Variants in DENND1A observed in about 807,000 individuals in gnomAD.
DENND1A encodes the protein DENN domain containing 1A, also known as DENN domain-containing protein 1A.
In DENND1A, 51 loss-of-function variants were observed where a neutral mutation model predicts 113.7. That is an observed-to-expected ratio of 0.45 (90% CI 0.36 to 0.57). The LOEUF (loss-of-function observed/expected upper bound fraction) is 0.57. Among genes scored for constraint, DENND1A ranks in the 20% least tolerant of loss-of-function variants. DENND1A has a pLI of 0.00. For synonymous variants in DENND1A, 565 were observed against 570.8 expected (o/e 0.99, Z 0.14); for missense variants, 1,258 against 1,395.9 (o/e 0.90, Z 1.57).
At chr9:123,676,329 C>A (rs1023653908) in intron 6 of DENND1A, among the ~76,000 whole-genome samples, 1 of 152,178 alleles carries the variant, frequency 6.6e-6, no homozygotes, top group African/African-American at 2.4e-5. Context: ...TACTTGCAAA[C>A]CCCAGATCTG....
At chr9:123,454,849 C>G in intron 15 of DENND1A, 70 bp from the exon 16 acceptor site, 6 of 1,019,660 alleles carry the variant, frequency 5.9e-6, no homozygotes, top group South Asian at 3.0e-5. Flanking sequence ...CTTAAAATTG[C>G]TTTTTTTTTT....
chr9:123,531,706 T>C (rs2135373199), intron 13 of DENND1A, among the ~76,000 whole-genome samples: 1 of 152,172 alleles, frequency 6.6e-6, no homozygotes, highest in East Asian at 1.9e-4. Flanking sequence ...TAAGCATTCC[T>C]AAAAATCATC....
At chr9:123,640,491 C>T (rs62579201) in intron 9 of DENND1A, among the ~76,000 whole-genome samples, 6 of 152,326 alleles carry the variant, frequency 3.9e-5, no homozygotes, top group East Asian at 3.9e-4. Flanking sequence ...GTGGTCCGTA[C>T]GCAAAACCTC....
At chr9:123,579,865 TC>T (rs1368922881) in intron 12 of DENND1A, among the ~76,000 whole-genome samples, 1 of 151,806 alleles carries the variant, frequency 6.6e-6, no homozygotes, top group Non-Finnish European at 1.5e-5. Flanking sequence ...AGACCACATC[TC>T]CCCCCATTAC....
chr9:123,899,053 A>C (rs1383032522), intron 1 of DENND1A, among the ~76,000 whole-genome samples: 1 of 152,202 alleles, frequency 6.6e-6, no homozygotes, highest in African/African-American at 2.4e-5. Context: ...CCGAGGCTCA[A>C]ATCTTGAAAC....
intron 19 of DENND1A, chr9:123,414,343 C>A (rs943494691): frequency 7.1e-7 from 1 of 1,414,834 alleles, no homozygotes; most frequent in Non-Finnish European, 9.2e-7. Context: ...TCCCTGCCTC[C>A]AGCCTCTCCC....
intron 8 of DENND1A, among the ~76,000 whole-genome samples, chr9:123,659,355 C>A (rs550837308): frequency 9.9e-4 from 151 of 152,296 alleles, no homozygotes; most frequent in African/African-American, 3.4e-3. Flanking sequence ...TTCAGACATT[C>A]TGGTGTGAAA....
intron 2 of DENND1A, among the ~76,000 whole-genome samples, chr9:123,804,946 C>T (rs1050351209): frequency 3.9e-5 from 6 of 152,148 alleles, no homozygotes; most frequent in Non-Finnish European, 7.3e-5. Flanking sequence ...AACGTCCTCC[C>T]TTCACCAGCA....
intron 11 of DENND1A, among the ~76,000 whole-genome samples, chr9:123,588,244 C>T (rs1227451594): frequency 7.4e-6 from 1 of 135,454 alleles, no homozygotes; most frequent in Non-Finnish European, 1.5e-5. Flanking sequence ...CATTGCACTC[C>T]AGCACTCCAG....
At chr9:123,807,723 T>C (rs891036047) in intron 2 of DENND1A, among the ~76,000 whole-genome samples, 3 of 152,216 alleles carry the variant, frequency 2.0e-5, no homozygotes, top group African/African-American at 7.2e-5. Flanking sequence ...CAGCCAACTC[T>C]CCTTCAACAG....
intron 2 of DENND1A, among the ~76,000 whole-genome samples, chr9:123,876,976 A>C (rs1015731099): frequency 6.6e-6 from 1 of 152,168 alleles, no homozygotes; most frequent in African/African-American, 2.4e-5. Flanking sequence ...GTTCTCACCT[A>C]TAAGTGGGAA....
At chr9:123,774,754 T>C (rs1830224650) in intron 3 of DENND1A, among the ~76,000 whole-genome samples, 2 of 152,218 alleles carry the variant, frequency 1.3e-5, no homozygotes, top group Admixed American at 1.3e-4. Context: ...ATACATGTTA[T>C]AATTATGCAA....
intron 2 of DENND1A, among the ~76,000 whole-genome samples, chr9:123,802,049 G>A (rs1289344047): frequency 6.6e-6 from 1 of 152,132 alleles, no homozygotes; most frequent in Non-Finnish European, 1.5e-5. Context: ...TTTTTAATGA[G>A]GTTGCCACAG....
intron 6 of DENND1A, among the ~76,000 whole-genome samples, chr9:123,673,379 A>G (rs1269381626): frequency 1.3e-5 from 2 of 152,220 alleles, no homozygotes; most frequent in African/African-American, 2.4e-5. Context: ...TGTTCCAGAT[A>G]TGACTAGAGG....
chr9:123,649,269 G>C (rs1189839677), intron 9 of DENND1A, among the ~76,000 whole-genome samples: 3 of 152,058 alleles, frequency 2.0e-5, no homozygotes, highest in Non-Finnish European at 4.4e-5. Context: ...GACCATAAAA[G>C]TTTTCCCATT....
At chr9:123,928,850 T>C (rs1045070871) in intron 1 of DENND1A, 71 of 985,372 alleles carry the variant, frequency 7.2e-5, no homozygotes, top group Non-Finnish European at 8.3e-5. Context: ...CCACAAACTT[T>C]CTTGTAAGAG....
intron 9 of DENND1A, among the ~76,000 whole-genome samples, chr9:123,642,562 C>A (rs2062084931): frequency 6.6e-6 from 1 of 152,226 alleles, no homozygotes; most frequent in South Asian, 2.1e-4. Flanking sequence ...AAAAGATAAA[C>A]ACAATGTTCG....
At chr9:123,445,258 G>C (rs2047215498) in intron 18 of DENND1A, among the ~76,000 whole-genome samples, 1 of 152,152 alleles carries the variant, frequency 6.6e-6, no homozygotes, top group South Asian at 2.1e-4. Context: ...GTTGGGGTGG[G>C]AGCTGAGGAA....
chr9:123,714,993 C>A (rs1828646242), intron 5 of DENND1A, among the ~76,000 whole-genome samples: 1 of 152,026 alleles, frequency 6.6e-6, no homozygotes, highest in Non-Finnish European at 1.5e-5. Flanking sequence ...ACCAGCCTGG[C>A]CAACATGGCG....
Sources: gnomAD v4.1 joint callset for allele counts (sites outside exome capture counted in the v4.1 genomes callset) on GRCh38, gnomAD v4.1.1 for gene constraint, MANE v1.5 for transcripts, NCBI Gene and HGNC (gene_info 2026-07-23, HGNC 2026-07-21) for gene names.